GRID2: variants seen among roughly 807,000 people sequenced by gnomAD.
GRID2 encodes glutamate ionotropic receptor delta type subunit 2, also known as glutamate receptor ionotropic, delta-2.
In GRID2, 33 loss-of-function variants were observed where a neutral mutation model predicts 114.8. That is an observed-to-expected ratio of 0.29 (90% CI 0.22 to 0.38). GRID2 has a LOEUF of 0.38. GRID2 is among the 10% of genes least tolerant of loss of function. The pLI is 1.00. For synonymous variants in GRID2, 505 were observed against 449.9 expected, an observed-to-expected ratio of 1.12 and a Z score of -1.55; for missense variants, 1,184 against 1,257.7, an observed-to-expected ratio of 0.94 and a Z score of 0.89.
chr4:93,122,640 A>G (rs1379866546), intron 4 of GRID2, among the ~76,000 whole-genome samples: 3 of 152,084 alleles, frequency 2.0e-5, no homozygotes, highest in Admixed American at 6.5e-5. Flanking sequence ...GATAGTGGCC[A>G]ATCACTCAAA....
intron 7 of GRID2, among the ~76,000 whole-genome samples, chr4:93,230,673 G>A (rs1378159695): frequency 1.3e-5 from 2 of 151,700 alleles, no homozygotes; most frequent in Non-Finnish European, 2.9e-5. Context: ...CAGGTTTTTT[G>A]GTTTCTAATT....
intron 14 of GRID2, among the ~76,000 whole-genome samples, chr4:93,697,589 T>A (rs769326935): frequency 6.6e-6 from 1 of 152,010 alleles, no homozygotes; most frequent in Non-Finnish European, 1.5e-5. Context: ...GAAGATGCAG[T>A]GCCAGATGCT....
rs554663844 is a variant in GRID2, at chr4:93,423,336, C to CTTTTTTTTTTTTTTT, written c.1545+383_1545+397dup. ...GCAATTTGTACTATTTTTTTTCTTT[C>CTTTTTTTTTTTTTTT]TTTTTTTTTTTTTTTTTTTTTTTTT... is the stretch of plus-strand genomic sequence containing the variant. On this transcript the variant is annotated intron_variant, in intron 10 of 15. Coordinates refer to ENST00000282020, the MANE Select transcript of GRID2 (RefSeq NM_001510.4). 1.9e-3 allele frequency among the ~76,000 whole-genome samples: 140 copies of CTTTTTTTTTTTTTTT among 73,576 alleles called. 2 individuals carry two copies. Among genetic ancestry groups the CTTTTTTTTTTTTTTT allele is most frequent in the Non-Finnish European group, 2.5e-3 (106 of 42,830 alleles). The allele number at this position is 73,576 out of a possible 152,430, so 48.3% of individuals were successfully genotyped here.
At chr4:92,591,567 T>G (rs1241644220) in intron 2 of GRID2, among the ~76,000 whole-genome samples, 2 of 152,212 alleles carry the variant, frequency 1.3e-5, no homozygotes, top group Non-Finnish European at 2.9e-5. Context: ...GCAGGATTTT[T>G]TTTGTAATGC....
At chr4:92,948,537 G>A (rs1454134774) in intron 2 of GRID2, among the ~76,000 whole-genome samples, 1 of 151,516 alleles carries the variant, frequency 6.6e-6, no homozygotes. Context: ...ATGCCCTTAA[G>A]AATGACTTAT....
intron 14 of GRID2, among the ~76,000 whole-genome samples, chr4:93,680,609 C>T (rs372345891): frequency 0.046 from 6,901 of 151,480 alleles, 184 homozygotes; most frequent in African/African-American, 0.083. Flanking sequence ...CCCTGGGATG[C>T]AAGACTGGTT....
chr4:92,556,706 A>T (rs77999450), intron 1 of GRID2, among the ~76,000 whole-genome samples: 1 of 152,068 alleles, frequency 6.6e-6, no homozygotes, highest in African/African-American at 2.4e-5. Context: ...ACTTTGTTCA[A>T]GTTTTTGACA....
At chr4:93,351,157 G>T (rs1304923723) in intron 8 of GRID2, among the ~76,000 whole-genome samples, 1 of 151,988 alleles carries the variant, frequency 6.6e-6, no homozygotes, top group Non-Finnish European at 1.5e-5. Flanking sequence ...GATTTGGGTG[G>T]GGACACAGCC....
intron 1 of GRID2, among the ~76,000 whole-genome samples, chr4:92,462,833 T>C (rs186019379): frequency 4.6e-5 from 7 of 152,102 alleles, no homozygotes; most frequent in Admixed American, 4.6e-4. Flanking sequence ...GCTACTCAAC[T>C]ATATTGTGAT....
At chr4:92,607,825 GCACTCTACCTCTTC>G (rs1729531543) in intron 2 of GRID2, among the ~76,000 whole-genome samples, 1 of 151,842 alleles carries the variant, frequency 6.6e-6, no homozygotes, top group African/African-American at 2.4e-5. Flanking sequence ...TAACTTAGAA[GCACTCTACCTCTTC>G]CAAAGCTTTA....
At chr4:92,880,130 CTG>C (rs1371035786) in intron 2 of GRID2, among the ~76,000 whole-genome samples, 2 of 152,136 alleles carry the variant, frequency 1.3e-5, no homozygotes, top group Admixed American at 1.3e-4. Context: ...ACTCTGCAAA[CTG>C]TGTTTATTCC....
rs905702014 is a variant in GRID2, at chr4:93,731,247, C to T, written c.2361-37963C>T. ...ACCACTGAGACTAAGAGAACAGAGG[C>T]CAAGAAGGTCATGACTGAAAATCAT... On this transcript the variant is annotated intron_variant, in intron 14 of 15. Coordinates refer to ENST00000282020, the MANE Select transcript of GRID2 (RefSeq NM_001510.4). Among the ~76,000 whole-genome samples the T allele has an allele frequency of 3.3e-5, 5 of 152,152 alleles. No individual in the cohort carries two copies. The Middle Eastern group carries it at 0.01, about 311-fold the overall frequency.
chr4:93,645,798 T>A (rs1722057512), intron 14 of GRID2, among the ~76,000 whole-genome samples: 1 of 152,200 alleles, frequency 6.6e-6, no homozygotes, highest in Non-Finnish European at 1.5e-5. Context: ...TGTTAATTAA[T>A]CATTTCTTGT....
chr4:92,540,573 C>A (rs1235981201), intron 1 of GRID2, among the ~76,000 whole-genome samples: 1 of 152,164 alleles, frequency 6.6e-6, no homozygotes, highest in Admixed American at 6.5e-5. Context: ...CAGAGAAATG[C>A]AAATCAAAAC....
chr4:92,740,170 C>G (rs1157171322), intron 2 of GRID2, among the ~76,000 whole-genome samples: 1 of 152,130 alleles, frequency 6.6e-6, no homozygotes, highest in African/African-American at 2.4e-5. Flanking sequence ...AGGAGAGATA[C>G]CTAGTAAGGC....
intron 8 of GRID2, among the ~76,000 whole-genome samples, chr4:93,347,689 C>A (rs1197977846): frequency 6.6e-6 from 1 of 151,934 alleles, no homozygotes; most frequent in Admixed American, 6.6e-5. Flanking sequence ...AGTTAACAAC[C>A]CTGTAAGGTA....
intron 2 of GRID2, among the ~76,000 whole-genome samples, chr4:92,964,967 A>T (rs1018862754): frequency 1.3e-5 from 2 of 151,752 alleles, no homozygotes; most frequent in African/African-American, 4.8e-5. Flanking sequence ...AACTTGCTCA[A>T]CTCCTCGATG....
intron 13 of GRID2, among the ~76,000 whole-genome samples, chr4:93,595,988 T>C (rs763490475): frequency 4.3e-4 from 66 of 152,180 alleles, no homozygotes; most frequent in Non-Finnish European, 8.4e-4. Context: ...ATTTTATGGC[T>C]GAGAAAACTG....
chr4:92,851,619 T>C (rs899688785), intron 2 of GRID2, among the ~76,000 whole-genome samples: 1 of 151,992 alleles, frequency 6.6e-6, no homozygotes, highest in Non-Finnish European at 1.5e-5. Flanking sequence ...TATCAAACAT[T>C]AGTATATCTA....
Sources: allele counts gnomAD v4.1 joint callset (sites outside exome capture counted in the v4.1 genomes callset), GRCh38; gene constraint gnomAD v4.1.1; transcripts MANE v1.5; gene names NCBI Gene and HGNC (gene_info 2026-07-23, HGNC 2026-07-21).